The following SAMD12 variants were observed in gnomAD, a reference collection of about 807,000 sequenced individuals.
SAMD12 encodes sterile alpha motif domain containing 12.
A neutral mutation model predicts 15.0 loss-of-function variants in SAMD12; 9 were observed. That is an observed-to-expected ratio of 0.60 (90% CI 0.36 to 1.05). The LOEUF is 1.05. Among genes scored for constraint, SAMD12 ranks in the 50% least tolerant of loss-of-function variants. The pLI is 0.01. For synonymous variants in SAMD12, 86 were observed against 90.1 expected (o/e 0.96, Z 0.25); for missense variants, 230 against 234.2 (o/e 0.98, Z 0.12).
chr8:118,138,090 G>A, the SAMD12 span, among the ~76,000 whole-genome samples: 1 of 152,086 alleles, frequency 6.6e-6, no homozygotes, highest in African/African-American at 2.4e-5. Context: ...TAAGGCAGAG[G>A]GTGAGACTGA....
At position 118,406,391 on chromosome 8, in the gene SAMD12, A is replaced by C. The variant is rs562992945; in HGVS notation, c.323-26691T>G. ...TGGGTTCAAGTGATTCTCCTGTCTC[A>C]GCCTCCTGAGTAGCTGGGATTACAG... On this transcript the variant is annotated intron_variant, in intron 3 of 3. Coordinates refer to ENST00000314727, the MANE Select transcript of SAMD12 (RefSeq NM_207506.3). Among the ~76,000 whole-genome samples, 159 of 152,188 alleles carry C rather than the reference A, an allele frequency of 1.0e-3. 6 individuals are homozygous for C. In the South Asian group the frequency reaches 0.032, roughly 30 times the overall value.
chr8:118,441,391 T>C (rs1486565756), intron 2 of SAMD12, among the ~76,000 whole-genome samples: 1 of 151,308 alleles, frequency 6.6e-6, no homozygotes, highest in Admixed American at 6.6e-5. Flanking sequence ...GGTGAGAGAG[T>C]CATAGTGAAA....
the SAMD12 span, among the ~76,000 whole-genome samples, chr8:118,161,851 A>G: frequency 6.6e-6 from 1 of 151,922 alleles, no homozygotes; most frequent in Non-Finnish European, 1.5e-5. Flanking sequence ...AAAGTAACCT[A>G]TGGTGATAGA....
At chr8:118,262,530 G>A (rs1424544212) in intron 4 of SAMD12, among the ~76,000 whole-genome samples, 1 of 152,020 alleles carries the variant, frequency 6.6e-6, no homozygotes, top group Admixed American at 6.6e-5. Flanking sequence ...GTATAAAGCA[G>A]ATGCCCATCT....
intron 4 of SAMD12, among the ~76,000 whole-genome samples, chr8:118,256,042 C>T (rs546772414): frequency 6.6e-6 from 1 of 152,258 alleles, no homozygotes; most frequent in South Asian, 2.1e-4. Flanking sequence ...TTAATCATTG[C>T]CATTCTAACT....
intron 1 of SAMD12, among the ~76,000 whole-genome samples, chr8:118,597,991 G>C (rs1827765490): frequency 6.6e-6 from 1 of 152,200 alleles, no homozygotes; most frequent in African/African-American, 2.4e-5. Context: ...GAATAAATGA[G>C]AATAGGATGC....
intron 4 of SAMD12, among the ~76,000 whole-genome samples, chr8:118,232,676 C>CGT (rs373349974): frequency 9.2e-5 from 14 of 151,718 alleles, no homozygotes; most frequent in Non-Finnish European, 2.9e-5. Flanking sequence ...TGCATGTGCA[C>CGT]GTGTGTGTGT....
At position 118,612,629 on chromosome 8, in the gene SAMD12, G is replaced by A. The variant is rs1447331648; in HGVS notation, c.13+9175C>T. ...AATCCAAATAAAAGAACACATTTGA[G>A]ACACCGTCAATCTGGAAAACCGCTC... On this transcript the variant is annotated intron_variant, in intron 1 of 3. Coordinates refer to ENST00000314727, the MANE Select transcript of SAMD12 (RefSeq NM_207506.3). Among the ~76,000 whole-genome samples, 7 of 152,224 alleles carry A rather than the reference G, an allele frequency of 4.6e-5. 1 individual carries two copies. The South Asian group carries it at 1.2e-3, about 27-fold the overall frequency.
chr8:118,617,952 T>C (rs1488893843), intron 1 of SAMD12, among the ~76,000 whole-genome samples: 1 of 152,184 alleles, frequency 6.6e-6, no homozygotes, highest in Non-Finnish European at 1.5e-5. Context: ...ATGGATTAGT[T>C]TGGGGTCCCT....
At chr8:118,529,970 G>T (rs931191522) in intron 2 of SAMD12, among the ~76,000 whole-genome samples, 1 of 152,186 alleles carries the variant, frequency 6.6e-6, no homozygotes, top group Non-Finnish European at 1.5e-5. Context: ...TTCCATTAGA[G>T]ATTGCACTAA....
At chr8:118,419,302 T>G (rs1195298010) in intron 3 of SAMD12, among the ~76,000 whole-genome samples, 1 of 152,186 alleles carries the variant, frequency 6.6e-6, no homozygotes, top group African/African-American at 2.4e-5. Flanking sequence ...TTTTAATATC[T>G]CTGAGCTTCT....
At position 118,610,066 on chromosome 8, in the gene SAMD12, T is replaced by C. The variant is rs1212791388; in HGVS notation, c.13+11738A>G. Reference sequence around the variant, plus strand: ...TGTTGAGCTTATAGCAAGTGCACAATGAATACTTACTGTTCAAATAAAATA... The same window carrying C: ...TGTTGAGCTTATAGCAAGTGCACAACGAATACTTACTGTTCAAATAAAATA... On this transcript the variant is annotated intron_variant, in intron 1 of 3. Transcript: ENST00000314727. Among the ~76,000 whole-genome samples, 8 of 152,190 alleles carry C rather than the reference T, an allele frequency of 5.3e-5. No homozygotes were observed. In the East Asian group the frequency reaches 1.5e-3, roughly 29 times the overall value.
exon 5 of SAMD12, chr8:118,193,943 T>C (rs1489047962): frequency 6.6e-6 from 1 of 152,162 alleles, no homozygotes; most frequent in Admixed American, 6.5e-5. Context: ...TTCTAAAGAA[T>C]GTAGAGGAAA....
At chr8:118,571,578 T>C (rs1586827620) in intron 2 of SAMD12, among the ~76,000 whole-genome samples, 1 of 152,188 alleles carries the variant, frequency 6.6e-6, no homozygotes, top group Non-Finnish European at 1.5e-5. Context: ...AGGGTGCCCA[T>C]GCTGTGTGCA....
the SAMD12 span, among the ~76,000 whole-genome samples, chr8:118,149,172 G>A: frequency 2.6e-5 from 4 of 152,284 alleles, no homozygotes; most frequent in South Asian, 8.3e-4. Context: ...CACCATCACA[G>A]CTCACTGCAA....
intron 2 of SAMD12, among the ~76,000 whole-genome samples, chr8:118,495,257 T>A (rs1405986695): frequency 6.6e-6 from 1 of 152,162 alleles, no homozygotes; most frequent in African/African-American, 2.4e-5. Context: ...AAAATAGGAC[T>A]GACTTGAATC....
chr8:118,396,658 A>G (rs191727708), intron 3 of SAMD12, among the ~76,000 whole-genome samples: 40 of 152,364 alleles, frequency 2.6e-4, no homozygotes, highest in African/African-American at 9.6e-4. Context: ...TAAGACTAGT[A>G]ATTGTCAGAG....
intron 4 of SAMD12, among the ~76,000 whole-genome samples, chr8:118,263,678 GACTCCA>G (rs1232107214): frequency 1.3e-5 from 2 of 152,112 alleles, no homozygotes; most frequent in Non-Finnish European, 2.9e-5. Flanking sequence ...ACAGAAGAAA[GACTCCA>G]ACAAACATGA....
At chr8:118,457,943 C>G (rs1016122260) in intron 2 of SAMD12, among the ~76,000 whole-genome samples, 1 of 152,208 alleles carries the variant, frequency 6.6e-6, no homozygotes, top group African/African-American at 2.4e-5. Context: ...GAGGATCATT[C>G]AGGACCATAA....
Sources: allele counts gnomAD v4.1 joint callset (sites outside exome capture counted in the v4.1 genomes callset), GRCh38; gene constraint gnomAD v4.1.1; transcripts MANE v1.5; gene names NCBI Gene and HGNC (gene_info 2026-07-23, HGNC 2026-07-21).